TAGLN3: variants seen among roughly 807,000 people sequenced by gnomAD.
TAGLN3 encodes the protein transgelin-3.
Under a neutral mutation model 25.4 loss-of-function variants are expected in TAGLN3, and 12 were observed. The observed-to-expected ratio is 0.47, with a 90% CI of 0.30 to 0.77. The LOEUF is 0.77. Among genes scored for constraint, TAGLN3 ranks in the 30% least tolerant of loss-of-function variants. The probability of loss-of-function intolerance (pLI) is 0.06; values close to 1 mark genes in which losing one functional copy is unlikely to be tolerated. For synonymous variants in TAGLN3, 96 were observed against 94.8 expected (o/e 1.01, Z -0.08); for missense variants, 218 against 255.8 (o/e 0.85, Z 1.01).
At position 112,013,668 on chromosome 3, in the gene TAGLN3, G is replaced by A; in HGVS notation, c.*117G>A. The A allele has an allele frequency of 6.6e-7, 1 of 1,505,382 alleles. No homozygotes were observed. Among genetic ancestry groups the A allele is most frequent in the South Asian group, 1.2e-5 (1 of 83,172 alleles). 93.3% of individuals were successfully genotyped at this position (1,505,382 alleles called of 1,614,324 possible). ...CTCTTTCTCAAAGCCTTCTGTCCCT[G>A]GTTTTTGCAAGTGCTGCATTTCCGC... On this transcript the variant is annotated 3_prime_UTR_variant, in exon 5 of 5. Transcript: ENST00000478951.
chr3:112,002,646 C>T (rs1012205506), intron 3 of TAGLN3, among the ~76,000 whole-genome samples: 1 of 147,374 alleles, frequency 6.8e-6, no homozygotes, highest in African/African-American at 2.5e-5. Context: ...GGGTGAGTCC[C>T]CCCCCCACCC....
At chr3:112,009,048 C>T (rs1279757976) in intron 3 of TAGLN3, among the ~76,000 whole-genome samples, 2 of 152,112 alleles carry the variant, frequency 1.3e-5, no homozygotes, top group Admixed American at 6.5e-5. Flanking sequence ...GTAAAGGTGC[C>T]AGGCTCTTAA....
Position 111,999,552 on chromosome 3 carries a change from C to T in TAGLN3, c.130C>T (p.His44Tyr), listed in dbSNP as rs763714154. ...IILQCAEDIE[H>Y]PPPGRAHFQK... ...CCTGCAGTGCGCCGAGGACATAGAG[C>T]ACCCGCCCCCCGGCAGGGCCCATTT... The change falls in exon 2 of 5, where the codon CAC becomes TAC. Residue 44 changes from histidine (H) to tyrosine (Y), a missense_variant. His to Tyr is a moderately conservative substitution (Grantham distance 83). Transcript: ENST00000478951. 3 of 1,614,132 alleles carry T rather than the reference C, an allele frequency of 1.9e-6. No individual in the cohort carries two copies. Among genetic ancestry groups the T allele is most frequent in the Non-Finnish European group, 2.5e-6 (3 of 1,180,020 alleles).
intron 3 of TAGLN3, among the ~76,000 whole-genome samples, chr3:112,005,521 G>A (rs1004388423): frequency 5.3e-5 from 8 of 151,990 alleles, no homozygotes; most frequent in Admixed American, 6.6e-5. Flanking sequence ...CATTGGAAGG[G>A]CCTGGAGGTT....
At chr3:112,007,362 C>G (rs375943406) in intron 3 of TAGLN3, among the ~76,000 whole-genome samples, 1 of 152,280 alleles carries the variant, frequency 6.6e-6, no homozygotes, top group East Asian at 1.9e-4. Context: ...GGTGTCATAT[C>G]AAGTACTGCC....
In TAGLN3 at chr3:111,999,562, C is replaced by T; in HGVS notation, c.140C>T (p.Pro47Leu). 2.5e-6 allele frequency: 4 copies of T among 1,614,156 alleles called. No individual in the cohort carries two copies. The highest frequency in any genetic ancestry group is 3.4e-6 in the Non-Finnish European group (4 of 1,180,020). Residue 47 changes from proline to leucine, a missense_variant, in exon 2 of 5, where the codon CCC becomes CTC. Physicochemically the swap from Pro to Leu is moderately conservative, Grantham distance 98. Transcript: ENST00000478951. ...QCAEDIEHPP[P>L]GRAHFQKWLM... ...GCCGAGGACATAGAGCACCCGCCCC[C>T]CGGCAGGGCCCATTTTCAGAAATGG...
At chr3:112,010,794 T>C (rs1026125042) in intron 3 of TAGLN3, among the ~76,000 whole-genome samples, 1 of 152,206 alleles carries the variant, frequency 6.6e-6, no homozygotes, top group Non-Finnish European at 1.5e-5. Flanking sequence ...TTCGAATAAA[T>C]GAAGATCCTG....
intron 3 of TAGLN3, among the ~76,000 whole-genome samples, chr3:112,004,788 C>T (rs922684685): frequency 4.0e-5 from 6 of 151,868 alleles, no homozygotes; most frequent in African/African-American, 1.5e-4. Context: ...AAAAGTAAGT[C>T]TGGAAAGACA....
chr3:112,011,509 C>T (rs770359636), intron 3 of TAGLN3, among the ~76,000 whole-genome samples: 6 of 152,168 alleles, frequency 3.9e-5, no homozygotes, highest in South Asian at 2.1e-4. Context: ...CAACTATGAA[C>T]GGATTAGAAA....
chr3:112,006,905 G>T (rs917122235), intron 3 of TAGLN3, among the ~76,000 whole-genome samples: 2 of 152,200 alleles, frequency 1.3e-5, no homozygotes, highest in African/African-American at 4.8e-5. Context: ...CTCCCCAGGA[G>T]TTATAACTTA....
Position 112,000,868 on chromosome 3 carries a change from A to G in TAGLN3, c.277A>G (p.Ile93Val). The change falls in exon 3 of 5, where the codon ATC becomes GTC. Residue 93 changes from isoleucine to valine, a missense_variant. Coordinates refer to ENST00000478951, the MANE Select transcript of TAGLN3 (RefSeq NM_001008272.2). ...GATGGCTTTTAAGCAGATGGAGCAA[A>G]TCTCCCAGTTCCTAAAAGCTGCGGA... Reference protein sequence around the residue: ...SKMAFKQMEQISQFLKAAETY... With the variant: ...SKMAFKQMEQVSQFLKAAETY... The G allele has an allele frequency of 6.2e-7, 1 of 1,614,134 alleles. No homozygotes were observed. Among genetic ancestry groups the G allele is most frequent in the Non-Finnish European group, 8.5e-7 (1 of 1,180,006 alleles).
intron 3 of TAGLN3, among the ~76,000 whole-genome samples, chr3:112,001,833 G>T (rs1372972): frequency 0.19 from 29,195 of 152,144 alleles, 2,896 homozygotes; most frequent in Middle Eastern, 0.25. Context: ...TGAGAATGGG[G>T]TAGCTTTCCC....
At chr3:112,001,049 G>C (rs932589942) in intron 3 of TAGLN3, 103 bp downstream of exon 3, 12 of 1,020,626 alleles carry the variant, frequency 1.2e-5, no homozygotes, top group Non-Finnish European at 1.8e-5. Flanking sequence ...CGATTGATGT[G>C]TGTAAGATGC....
intron 3 of TAGLN3, among the ~76,000 whole-genome samples, chr3:112,005,851 C>T (rs960638492): frequency 2.6e-5 from 4 of 151,388 alleles, no homozygotes; most frequent in Non-Finnish European, 4.4e-5. Flanking sequence ...CAGGTACCTG[C>T]CACCACGCCC....
At position 112,011,812 on chromosome 3, in the gene TAGLN3, T is replaced by A. The variant is rs146159919; in HGVS notation, c.405T>A (p.Val135=). ...VQRTLMALGS[V]AVTKDDGCYR... is the part of the protein sequence containing the mutation. ...GGACCCTGATGGCTTTAGGCAGCGT[T>A]GCAGTCACCAAGGATGATGGCTGCT... Residue 135 remains valine (V), a synonymous_variant, in exon 4 of 5, where the codon GTT becomes GTA. Transcript: ENST00000478951. 2 of 1,614,000 alleles carry A rather than the reference T, an allele frequency of 1.2e-6. No homozygotes were observed. Among genetic ancestry groups the A allele is most frequent in the Non-Finnish European group, 1.7e-6 (2 of 1,179,922 alleles).
intron 3 of TAGLN3, among the ~76,000 whole-genome samples, chr3:112,004,763 G>T (rs2072898973): frequency 6.6e-6 from 1 of 151,998 alleles, no homozygotes; most frequent in Admixed American, 6.6e-5. Context: ...AAGATTAACA[G>T]AAAATAAGGG....
At chr3:112,009,655 G>A (rs114864802) in intron 3 of TAGLN3, among the ~76,000 whole-genome samples, 115 of 152,258 alleles carry the variant, frequency 7.6e-4, no homozygotes, top group African/African-American at 2.6e-3. Flanking sequence ...TAGTTTTCTC[G>A]TCCACACATG....
In TAGLN3 at chr3:112,013,408, A is replaced by G; in HGVS notation, c.459-2A>G. ...TTATTCCCTCTCACTTTCCTTGTCC[A>G]GGAAAGCCCAGCAGAATCGGAGAGG... On this transcript the variant is annotated splice_acceptor_variant, in intron 4 of 4. Transcript: ENST00000478951. LOFTEE classifies it high-confidence loss of function. 1 of 1,609,726 alleles carries G rather than the reference A, an allele frequency of 6.2e-7. No individual in the cohort carries two copies. The highest frequency in any genetic ancestry group is 1.1e-5 in the South Asian group (1 of 90,982).
chr3:112,007,818 T>C (rs560944551), intron 3 of TAGLN3, among the ~76,000 whole-genome samples: 1 of 152,294 alleles, frequency 6.6e-6, no homozygotes, highest in South Asian at 2.1e-4. Context: ...AAGAAAGGAG[T>C]TATTGCTTAA....
Sources: allele counts gnomAD v4.1 joint callset (sites outside exome capture counted in the v4.1 genomes callset), GRCh38; gene constraint gnomAD v4.1.1; transcripts MANE v1.5; gene names NCBI Gene and HGNC (gene_info 2026-07-23, HGNC 2026-07-21).